The following LRP4 variants were observed in gnomAD, a reference collection of about 807,000 sequenced individuals.
LRP4 encodes the protein LDL receptor related protein 4.
In LRP4, 95 loss-of-function variants were observed where a neutral mutation model predicts 220.3. The ratio of observed to expected loss-of-function variants is 0.43; its 90% CI spans 0.37 to 0.51. LRP4 has a LOEUF of 0.51. LRP4 is among the 20% of genes least tolerant of loss of function. The probability of loss-of-function intolerance (pLI) is 0.00; values close to 1 mark genes in which losing one functional copy is unlikely to be tolerated. For missense variants in LRP4, 1,925 were observed against 2,567.0 expected (o/e 0.75, Z 5.40); for synonymous variants, 903 against 954.6 (o/e 0.95, Z 1.00).
rs1192920799 is a variant in LRP4, at chr11:46,898,965, G to A, written c.615C>T (p.Leu205=). The A allele has an allele frequency of 4.3e-6, 7 of 1,613,676 alleles. No individual in the cohort carries two copies. Among genetic ancestry groups the A allele is most frequent in the Middle Eastern group, 1.6e-4 (1 of 6,084 alleles). ...CGTCGCCATCGCAGTGGTAGATGTCGAGGATGCAGCGTCCATAGGCACACT... is the reference window on the plus strand; with the variant it reads ...CGTCGCCATCGCAGTGGTAGATGTCAAGGATGCAGCGTCCATAGGCACACT... ...EFQCAYGRCI[L]DIYHCDGDDD... Residue 205 remains leucine, a synonymous_variant, in exon 6 of 38, where the codon CTC becomes CTT. Transcript: ENST00000378623.
chr11:46,899,117 G>A lies in LRP4; in HGVS notation c.548-85C>T, dbSNP rs1941610516. 2.3e-6 allele frequency: 3 copies of A among 1,331,360 alleles called. No homozygotes were observed. The highest frequency in any genetic ancestry group is 3.2e-6 in the Non-Finnish European group (3 of 948,578). The allele number at this position is 1,331,360 out of a possible 1,614,324, so 82.5% of individuals were successfully genotyped here. On this transcript the variant is annotated intron_variant, in intron 5 of 37. Transcript: ENST00000378623. This position sits in a 1 kb window ranked among gnomAD's most constrained non-coding sequence, Gnocchi z 5.9. ...CCCTGATTCCTCAAGCAGGCAGGAT[G>A]CTCAGGCAGGAGAGCTTCTTCAAGT... is the stretch of plus-strand genomic sequence containing the variant.
Position 46,881,906 on chromosome 11 carries a change from G to GTAT in LRP4, c.2613-4_2613-3insATA. 6.2e-7 allele frequency: 1 copy of GTAT among 1,614,078 alleles called. No homozygotes were observed. Among genetic ancestry groups the GTAT allele is most frequent in the Non-Finnish European group, 8.5e-7 (1 of 1,180,010 alleles). ...CCCAGTCAGTCCAATACATGTACCT[G>GTAT]GGCAAAGGCAAGGCAAGGCAGGTCT... On this transcript the variant is annotated splice_polypyrimidine_tract_variant and splice_region_variant and intron_variant, in intron 19 of 37. Coordinates refer to ENST00000378623, the MANE Select transcript of LRP4 (RefSeq NM_002334.4).
At chr11:46,866,499 T>C (rs548770528) in intron 34 of LRP4, among the ~76,000 whole-genome samples, 18 of 152,278 alleles carry the variant, frequency 1.2e-4, no homozygotes, top group Admixed American at 1.1e-3. Flanking sequence ...TTACCCAGGC[T>C]TGTCTTGAAT....
chr11:46,885,191 G>A (rs1941259606), intron 18 of LRP4, among the ~76,000 whole-genome samples: 1 of 152,058 alleles, frequency 6.6e-6, no homozygotes, highest in South Asian at 2.1e-4. Context: ...TGCGTGTGGG[G>A]GTCTTGCTAT....
At position 46,862,629 on chromosome 11, in the gene LRP4, T is replaced by C; in HGVS notation, c.5362A>G (p.Asn1788Asp). 1 of 1,614,188 alleles carries C rather than the reference T, an allele frequency of 6.2e-7. No individual in the cohort carries two copies. The highest frequency in any genetic ancestry group is 8.5e-7 in the Non-Finnish European group (1 of 1,180,038). ...IEAIPKPAMYNQLCYKKEGGP... is the reference protein window; with the variant it reads ...IEAIPKPAMYDQLCYKKEGGP... The stretch of plus-strand genomic sequence containing the variant: ...ACCTCTTTCTTATAGCACAGCTGGT[T>C]GTACATGGCTGGTTTGGGGATTGCT... The change falls in exon 37 of 38, where the codon AAC (asparagine) becomes GAC (aspartate). Residue 1788 changes from asparagine (N) to aspartate (D), a missense_variant. Asn to Asp is a conservative substitution (Grantham distance 23). Around this residue, in one of 3 missense-constraint regions of LRP4, gnomAD observed 1,244 missense variants for 1,624.9 expected, o/e 0.77. Transcript: ENST00000378623.
chr11:46,862,005 T>C (rs192223812), intron 37 of LRP4, among the ~76,000 whole-genome samples: 83 of 137,212 alleles, frequency 6.0e-4, no homozygotes, highest in African/African-American at 2.1e-3. Context: ...GAGGTGGAGG[T>C]TGCAGTGAGC....
rs776484311 is a variant in LRP4 at position 46,895,892 on chromosome 11, G to A, written c.1175C>T (p.Thr392Met). The change falls in exon 10 of 38, where the codon ACG becomes ATG. Residue 392 changes from threonine (T) to methionine (M), a missense_variant. By Grantham distance (81) the Thr-to-Met change is moderately conservative (BLOSUM62 -1). This residue lies in a region of LRP4 where 269 missense variants were observed against 436.7 expected (regional missense o/e 0.62). Coordinates refer to ENST00000378623, the MANE Select transcript of LRP4 (RefSeq NM_002334.4). ...TGYRLTEDGH[T>M]CQDVNECAEE... ...ACCAGGCCCCAGCTCACCTTGGCAC[G>A]TGTGCCCATCCTCTGTGAGCCGGTA... is the stretch of plus-strand genomic sequence containing the variant. 22 of 1,612,882 alleles carry A rather than the reference G, an allele frequency of 1.4e-5. 1 individual carries two copies. The highest frequency in any genetic ancestry group is 2.7e-5 in the African/African-American group (2 of 75,042).
Position 46,880,320 on chromosome 11 carries a change from G to A in LRP4, c.2815-1005C>T, listed in dbSNP as rs113036545. Among the ~76,000 whole-genome samples the A allele has an allele frequency of 6.8e-4, 85 of 124,486 alleles. 1 individual carries two copies. The highest frequency in any genetic ancestry group is 2.6e-3 in the African/African-American group (78 of 29,836). The allele number at this position is 124,486 out of a possible 152,430, so 81.7% of individuals were successfully genotyped here. On this transcript the variant is annotated intron_variant, in intron 20 of 37. Coordinates refer to ENST00000378623, the MANE Select transcript of LRP4 (RefSeq NM_002334.4). ...AGTCTCAAAAAAAAAAAAAAAAAAA[G>A]CTATGTGTGGTGGCTCATGCCTATA...
At chr11:46,901,751 T>TA in intron 2 of LRP4, among the ~76,000 whole-genome samples, 2 of 152,078 alleles carry the variant, frequency 1.3e-5, no homozygotes, top group East Asian at 3.9e-4. Context: ...TTTTTTTTTT[T>TA]AGACGGAGTC....
chr11:46,858,953 ACAGG>A lies in LRP4; in HGVS notation c.*26_*29del. 1 of 1,603,040 alleles carries A rather than the reference ACAGG, an allele frequency of 6.2e-7. No individual in the cohort carries two copies. Among genetic ancestry groups the A allele is most frequent in the Non-Finnish European group, 8.5e-7 (1 of 1,170,874 alleles). ...ACTAGACGTCCATAAAGGAGAAGGA[ACAGG>A]CAGGCAGGGAAGAGAATGTGGGCAT... On this transcript the variant is annotated 3_prime_UTR_variant, in exon 38 of 38. Coordinates refer to ENST00000378623, the MANE Select transcript of LRP4 (RefSeq NM_002334.4).
chr11:46,885,245 C>T (rs558518299), intron 18 of LRP4, among the ~76,000 whole-genome samples: 3 of 152,222 alleles, frequency 2.0e-5, no homozygotes, highest in African/African-American at 7.2e-5. Flanking sequence ...AGAGATCTTG[C>T]CCTGGTCCCC....
Position 46,886,915 on chromosome 11 carries a change from C to G in LRP4, c.2216-382G>C, listed in dbSNP as rs138173849. On this transcript the variant is annotated intron_variant, in intron 16 of 37. Coordinates refer to ENST00000378623, the MANE Select transcript of LRP4 (RefSeq NM_002334.4). ...GGGCTCCTGCCCCTCCACTCCATCA[C>G]CTGGATCCCTTCCTCTTGCTCTCCT... Among the ~76,000 whole-genome samples the G allele has an allele frequency of 7.3e-4, 111 of 152,354 alleles. 1 individual carries two copies. Among genetic ancestry groups the G allele is most frequent in the East Asian group, 4.4e-3 (23 of 5,190 alleles).
At position 46,858,658 on chromosome 11, in the gene LRP4, AG is replaced by A. The variant is rs1940443032; in HGVS notation, c.*324del. 1 of 391,902 alleles carries A rather than the reference AG, an allele frequency of 2.6e-6. No homozygotes were observed. The highest frequency in any genetic ancestry group is 3.6e-5 in the Admixed American group (1 of 27,558). The allele number at this position is 391,902 out of a possible 1,614,324, so 24.3% of individuals were successfully genotyped here. A position where few individuals can be genotyped will look rare whatever the true frequency, so the allele number is the denominator to read the frequency against. On this transcript the variant is annotated 3_prime_UTR_variant, in exon 38 of 38. Coordinates refer to ENST00000378623, the MANE Select transcript of LRP4 (RefSeq NM_002334.4). ...CATCAGCACTGAGAAGCAGGCACTG[AG>A]GGTACTGGGGAAAGGGGAGGTGGAG...
chr11:46,894,152 A>G (rs576733219), intron 12 of LRP4, among the ~76,000 whole-genome samples: 1 of 152,274 alleles, frequency 6.6e-6, no homozygotes, highest in South Asian at 2.1e-4. Context: ...TCAGCCTCCC[A>G]AAGTGCTGGG....
rs537453264 is a variant in LRP4, at chr11:46,895,365, C to T, written c.1184-74G>A. ...CTCCCGCTCCCAGGCTGCCGAGCTG[C>T]TTTTCTGCCCACATCCCCATCTACT... is the stretch of plus-strand genomic sequence containing the variant. On this transcript the variant is annotated intron_variant, in intron 10 of 37. Transcript: ENST00000378623. The T allele has an allele frequency of 1.6e-5, 26 of 1,588,566 alleles. No homozygotes were observed. The Admixed American group carries it at 3.2e-4, about 19-fold the overall frequency.
intron 16 of LRP4, among the ~76,000 whole-genome samples, chr11:46,888,207 C>G (rs1171895053): frequency 6.7e-6 from 1 of 149,276 alleles, no homozygotes; most frequent in Admixed American, 6.7e-5. Context: ...TTATAATCCC[C>G]GCTACTCAGG....
intron 19 of LRP4, among the ~76,000 whole-genome samples, chr11:46,882,690 A>G (rs529160952): frequency 2.0e-4 from 30 of 151,714 alleles, no homozygotes; most frequent in African/African-American, 4.6e-4. Flanking sequence ...CATCTCTACA[A>G]AAAAAAACTG....
At position 46,900,366 on chromosome 11, in the gene LRP4, C is replaced by G; in HGVS notation, c.212G>C (p.Cys71Ser). The part of the protein sequence containing the change: ...SDEDGCILPT[C>S]SPLDFHCDNG... ...GTCACAGTGAAAGTCAAGAGGGGAA[C>G]AGGTAGGTAGTACTGAATCCCAGGA... The change falls in exon 3 of 38, where the codon TGT (cysteine) becomes TCT (serine). Residue 71 changes from cysteine to serine, a missense_variant. By Grantham distance (112) the Cys-to-Ser change is moderately radical. Around this residue, in one of 3 missense-constraint regions of LRP4, gnomAD observed 412 missense variants for 505.4 expected, o/e 0.82. Coordinates refer to ENST00000378623, the MANE Select transcript of LRP4 (RefSeq NM_002334.4). The G allele has an allele frequency of 1.2e-6, 2 of 1,608,618 alleles. No homozygotes were observed. The highest frequency in any genetic ancestry group is 1.7e-6 in the Non-Finnish European group (2 of 1,175,016).
chr11:46,902,814 G>A lies in LRP4; in HGVS notation c.168C>T (p.Asp56=), dbSNP rs1424380670. 10 of 1,613,996 alleles carry A rather than the reference G, an allele frequency of 6.2e-6. No individual in the cohort carries two copies. The highest frequency in any genetic ancestry group is 8.5e-6 in the Non-Finnish European group (10 of 1,180,048). The part of the protein sequence containing the change: ...PAQWQCDGDN[D]CGDHSDEDGC... Reference sequence around the variant, plus strand: ...CATCCTCATCGCTGTGGTCCCCGCAGTCATTGTCTCCATCACACTGCCACT... The same window carrying A: ...CATCCTCATCGCTGTGGTCCCCGCAATCATTGTCTCCATCACACTGCCACT... Residue 56 remains aspartate, a synonymous_variant, in exon 2 of 38, where the codon GAC becomes GAT. Transcript: ENST00000378623.
Sources: allele counts gnomAD v4.1 joint callset (sites outside exome capture counted in the v4.1 genomes callset), GRCh38; gene constraint gnomAD v4.1.1; regional missense constraint gnomAD v4.1.1; non-coding constraint Gnocchi (gnomAD v3.1); transcripts MANE v1.5; gene names NCBI Gene and HGNC (gene_info 2026-07-23, HGNC 2026-07-21).